Variants in CA10 observed in about 807,000 individuals in gnomAD.
CA10 encodes carbonic anhydrase 10 (inactive).
Under a neutral mutation model 44.2 loss-of-function variants are expected in CA10, and 14 were observed. The ratio of observed to expected loss-of-function variants is 0.32; its 90% CI spans 0.21 to 0.50. CA10 has a LOEUF of 0.50. CA10 is among the 20% of genes least tolerant of loss of function. CA10 has a pLI of 0.99. For missense variants in CA10, 350 were observed against 409.7 expected, an observed-to-expected ratio of 0.85 and a Z score of 1.26; for synonymous variants, 159 against 141.6, an observed-to-expected ratio of 1.12 and a Z score of -0.87.
intron 2 of CA10, 72 bp downstream of exon 2, chr17:52,072,247 A>G: frequency 9.1e-7 from 1 of 1,101,916 alleles, no homozygotes; most frequent in Non-Finnish European, 1.4e-6. Flanking sequence ...GCAATGTAAA[A>G]TCCTGGAAAT....
At chr17:52,021,788 A>T (rs1440290843) in intron 2 of CA10, among the ~76,000 whole-genome samples, 1 of 152,138 alleles carries the variant, frequency 6.6e-6, no homozygotes, top group African/African-American at 2.4e-5. Flanking sequence ...CTATGCACAC[A>T]AACAGAAAAT....
At chr17:51,663,135 A>G (rs1338387504) in intron 4 of CA10, among the ~76,000 whole-genome samples, 2 of 152,224 alleles carry the variant, frequency 1.3e-5, no homozygotes, top group Non-Finnish European at 2.9e-5. Flanking sequence ...TTGGCAGGGT[A>G]TAAGTAAACA....
chr17:51,882,419 G>T (rs1308481052), intron 3 of CA10, among the ~76,000 whole-genome samples: 2 of 152,116 alleles, frequency 1.3e-5, no homozygotes, highest in Non-Finnish European at 2.9e-5. Context: ...CAAAACCTCA[G>T]CACCTCATTA....
intron 2 of CA10, among the ~76,000 whole-genome samples, chr17:51,986,078 C>T (rs538095621): frequency 6.6e-6 from 1 of 151,854 alleles, no homozygotes; most frequent in South Asian, 2.1e-4. Context: ...AATATGGAGG[C>T]AGGTACCACA....
Position 52,075,679 on chromosome 17 carries a change from A to G in CA10, c.62-3286T>C, listed in dbSNP as rs1409752926. Among the ~76,000 whole-genome samples, 3 of 152,264 alleles carry G rather than the reference A, an allele frequency of 2.0e-5. No homozygotes were observed. The East Asian group carries it at 5.8e-4, about 29-fold the overall frequency. On this transcript the variant is annotated intron_variant, in intron 1 of 8. Transcript: ENST00000451037. ...TAATTGCCACTCTTTCATTATAACAATCTTAAGTGCCCTCACCCATTTCCA... is the reference window on the plus strand; with the variant it reads ...TAATTGCCACTCTTTCATTATAACAGTCTTAAGTGCCCTCACCCATTTCCA...
chr17:51,739,081 C>T (rs1277712392), intron 4 of CA10, among the ~76,000 whole-genome samples: 2 of 152,072 alleles, frequency 1.3e-5, no homozygotes, highest in African/African-American at 4.8e-5. Flanking sequence ...AAGTCCAGGT[C>T]TATGTCTGGA....
At position 51,881,401 on chromosome 17, in the gene CA10, C is replaced by A. The variant is rs553202106; in HGVS notation, c.279+49589G>T. On this transcript the variant is annotated intron_variant, in intron 3 of 8. Coordinates refer to ENST00000451037, the MANE Select transcript of CA10 (RefSeq NM_020178.5). ...AAGGATTTATCAATAAAGGACGAAA[C>A]CCAGGATTCACAAAGATTCATGTAT... Among the ~76,000 whole-genome samples, 187 of 151,858 alleles carry A rather than the reference C, an allele frequency of 1.2e-3. 4 individuals are homozygous for A. In the South Asian group the frequency reaches 0.022, roughly 18 times the overall value.
chr17:51,671,571 A>AT (rs1226664429), intron 4 of CA10, among the ~76,000 whole-genome samples: 13 of 151,638 alleles, frequency 8.6e-5, no homozygotes, highest in African/African-American at 3.2e-4. Context: ...CGCCTGGCTA[A>AT]TTTTTTGTAT....
chr17:51,666,346 A>G (rs1480000285), intron 4 of CA10, among the ~76,000 whole-genome samples: 2 of 152,108 alleles, frequency 1.3e-5, no homozygotes, highest in Admixed American at 6.5e-5. Flanking sequence ...ATGCTTGGAG[A>G]CCCTGGTAAG....
At chr17:52,035,215 A>G (rs1986581764) in intron 2 of CA10, among the ~76,000 whole-genome samples, 1 of 152,126 alleles carries the variant, frequency 6.6e-6, no homozygotes, top group Non-Finnish European at 1.5e-5. Flanking sequence ...AAGACCCCAG[A>G]GTCAGCCAGC....
chr17:51,831,685 C>T (rs1006183843), intron 3 of CA10, among the ~76,000 whole-genome samples: 4 of 75,946 alleles, frequency 5.3e-5, no homozygotes, highest in Non-Finnish European at 3.1e-5. Flanking sequence ...GCAGCAGCAG[C>T]AGCAGCAGCA....
chr17:51,862,768 GTGTT>G (rs1299542576), intron 3 of CA10, among the ~76,000 whole-genome samples: 1 of 151,602 alleles, frequency 6.6e-6, no homozygotes, highest in African/African-American at 2.4e-5. Flanking sequence ...TTTTCTCTGT[GTGTT>G]TGTGTGTATG....
At chr17:51,874,420 C>G (rs1429948589) in intron 3 of CA10, among the ~76,000 whole-genome samples, 3 of 147,030 alleles carry the variant, frequency 2.0e-5, no homozygotes, top group Non-Finnish European at 4.5e-5. Flanking sequence ...AAACTGAAAA[C>G]TCAGCTCTCC....
intron 3 of CA10, among the ~76,000 whole-genome samples, chr17:51,886,592 T>G (rs892445299): frequency 1.3e-5 from 2 of 152,198 alleles, no homozygotes; most frequent in African/African-American, 2.4e-5. Flanking sequence ...AGCCATTGTG[T>G]TGGTTAATTT....
At chr17:52,033,756 T>C (rs1986536092) in intron 2 of CA10, among the ~76,000 whole-genome samples, 1 of 152,238 alleles carries the variant, frequency 6.6e-6, no homozygotes. Context: ...CTTGCATGGC[T>C]ACTGTACATA....
rs145966181 is a variant in CA10, at chr17:52,069,386, C to T, written c.136+2933G>A. Among the ~76,000 whole-genome samples, 909 of 152,148 alleles carry T rather than the reference C, an allele frequency of 6.0e-3. 7 individuals carry two copies. Among genetic ancestry groups the T allele is most frequent in the African/African-American group, 0.021 (861 of 41,520 alleles). The stretch of plus-strand genomic sequence containing the variant: ...CCTGAGTATATGATGGTATGGAGGG[C>T]GAATGTGCAAGCATAGTCAGGGCTC... On this transcript the variant is annotated intron_variant, in intron 2 of 8. Coordinates refer to ENST00000451037, the MANE Select transcript of CA10 (RefSeq NM_020178.5).
intron 3 of CA10, among the ~76,000 whole-genome samples, chr17:51,765,688 T>A (rs1017703455): frequency 2.9e-5 from 4 of 139,570 alleles, no homozygotes; most frequent in African/African-American, 8.3e-5. Context: ...GGCAGGCAGC[T>A]CCCTGTGTGT....
chr17:52,128,903 T>C (rs917437696), intron 1 of CA10, among the ~76,000 whole-genome samples: 4 of 152,200 alleles, frequency 2.6e-5, no homozygotes, highest in African/African-American at 9.6e-5. Context: ...TTCCAATTCA[T>C]GCTCTAATTC....
chr17:51,891,861 G>C (rs958839951), intron 3 of CA10, among the ~76,000 whole-genome samples: 1 of 152,168 alleles, frequency 6.6e-6, no homozygotes, highest in African/African-American at 2.4e-5. Context: ...AAGGGTAAAG[G>C]GAGGGCCAAT....
Sources: gnomAD v4.1 joint callset for allele counts (sites outside exome capture counted in the v4.1 genomes callset) on GRCh38, gnomAD v4.1.1 for gene constraint, MANE v1.5 for transcripts, NCBI Gene and HGNC (gene_info 2026-07-23, HGNC 2026-07-21) for gene names.